TACC2: variants seen among roughly 807,000 people sequenced by gnomAD.
TACC2 encodes transforming acidic coiled-coil containing protein 2.
TACC2 carries 137 observed loss-of-function variants against 227.3 expected under a neutral mutation model. The observed-to-expected ratio is 0.60, with a 90% CI of 0.52 to 0.69. The LOEUF is 0.69. Ranked by LOEUF, TACC2 falls within the 30% of genes least tolerant of loss-of-function variation. The pLI is 0.00. For missense variants in TACC2, 3,470 were observed against 3,694.4 expected, an observed-to-expected ratio of 0.94 and a Z score of 1.57; for synonymous variants, 1,523 against 1,487.5, an observed-to-expected ratio of 1.02 and a Z score of -0.55.
At chr10:122,048,082 T>G (rs1398752108) in intron 2 of TACC2, among the ~76,000 whole-genome samples, 1 of 152,216 alleles carries the variant, frequency 6.6e-6, no homozygotes, top group Non-Finnish European at 1.5e-5. Context: ...ATCCAACAAG[T>G]CTGACGGTCT....
chr10:122,241,391 A>C (rs2095989407), intron 18 of TACC2, among the ~76,000 whole-genome samples: 2 of 152,180 alleles, frequency 1.3e-5, no homozygotes. Context: ...TCCTGGGCTC[A>C]AGTGATCCTC....
intron 3 of TACC2, among the ~76,000 whole-genome samples, chr10:122,070,578 A>G (rs2077921989): frequency 6.6e-6 from 1 of 151,932 alleles, no homozygotes; most frequent in Non-Finnish European, 1.5e-5. Context: ...ACATGGAGAA[A>G]CCCCGTTTCT....
At chr10:122,191,968 C>T (rs1293751367) in intron 7 of TACC2, among the ~76,000 whole-genome samples, 6 of 152,156 alleles carry the variant, frequency 3.9e-5, no homozygotes, top group Admixed American at 2.6e-4. Flanking sequence ...TGTACAGACT[C>T]GTTGGGGGTG....
chr10:122,168,191 C>T (rs1280811392), intron 7 of TACC2, among the ~76,000 whole-genome samples: 1 of 151,978 alleles, frequency 6.6e-6, no homozygotes, highest in Admixed American at 6.6e-5. Flanking sequence ...AGGCATGAGC[C>T]AGCGCACCCA....
chr10:122,082,370 G>C (rs1040951260), intron 3 of TACC2, among the ~76,000 whole-genome samples: 3 of 152,152 alleles, frequency 2.0e-5, no homozygotes, highest in African/African-American at 7.2e-5. Flanking sequence ...TAAATGAGTT[G>C]CCACATTTCT....
intron 2 of TACC2, among the ~76,000 whole-genome samples, chr10:122,045,025 A>T (rs2136090113): frequency 6.6e-6 from 1 of 152,300 alleles, no homozygotes; most frequent in East Asian, 1.9e-4. Flanking sequence ...AGAGCTTAAG[A>T]CTATCTCTAA....
intron 2 of TACC2, among the ~76,000 whole-genome samples, chr10:122,035,573 G>A (rs1052203505): frequency 3.3e-5 from 5 of 152,240 alleles, no homozygotes; most frequent in East Asian, 3.9e-4. Context: ...AACCATGGTC[G>A]GAGGGGCTAT....
At chr10:122,227,121 CTCTG>C (rs1230154117) in intron 13 of TACC2, among the ~76,000 whole-genome samples, 1 of 152,192 alleles carries the variant, frequency 6.6e-6, no homozygotes, top group Non-Finnish European at 1.5e-5. Flanking sequence ...GGAGAGGGCA[CTCTG>C]TCTACCAGAG....
chr10:122,060,520 A>G (rs2076675693), intron 3 of TACC2, among the ~76,000 whole-genome samples: 1 of 152,216 alleles, frequency 6.6e-6, no homozygotes, highest in Admixed American at 6.5e-5. Context: ...GCCACAGACT[A>G]TTGTACTATC....
intron 5 of TACC2, among the ~76,000 whole-genome samples, chr10:122,108,377 G>A (rs949833892): frequency 2.6e-4 from 37 of 140,956 alleles, no homozygotes; most frequent in Admixed American, 1.1e-3. Context: ...CCATGCGCGC[G>A]CGCTCTCTCT....
chr10:122,020,125 A>G (rs1362199552), intron 1 of TACC2, among the ~76,000 whole-genome samples: 1 of 152,224 alleles, frequency 6.6e-6, no homozygotes, highest in African/African-American at 2.4e-5. Flanking sequence ...ATTGTCACAA[A>G]TTAATATTAC....
intron 7 of TACC2, among the ~76,000 whole-genome samples, chr10:122,164,929 G>A (rs906138580): frequency 5.9e-5 from 9 of 152,156 alleles, no homozygotes; most frequent in African/African-American, 2.2e-4. Context: ...TCTGTGTGTT[G>A]TAGGAGGGAT....
Position 122,143,562 on chromosome 10 carries a change from G to A in TACC2, c.5700-10G>A, listed in dbSNP as rs745755077. On this transcript the variant is annotated splice_polypyrimidine_tract_variant and intron_variant, in intron 6 of 22. Coordinates refer to ENST00000369005, the MANE Select transcript of TACC2 (RefSeq NM_206862.4). ...CACCATGTGGAATAATTCCCTCATT[G>A]TGTCCCCAGCATCTCCCCAGCTGCT... is the stretch of plus-strand genomic sequence containing the variant. 6 of 1,613,374 alleles carry A rather than the reference G, an allele frequency of 3.7e-6. No individual in the cohort carries two copies. The highest frequency in any genetic ancestry group is 4.2e-6 in the Non-Finnish European group (5 of 1,179,572).
chr10:122,086,380 C>T lies in TACC2; in HGVS notation c.3880C>T (p.Leu1294=). ...GCTGTTTGCTGGCTCCCTCGCCCCC[C>T]TGTTGCAACCAGGAGCTGCAGGTGG... ...LKLFAGSLAP[L]LQPGAAGGEI... The change falls in exon 4 of 23, where the codon CTG becomes TTG. Residue 1294 remains leucine (L), a synonymous_variant. Coordinates refer to ENST00000369005, the MANE Select transcript of TACC2 (RefSeq NM_206862.4). The T allele has an allele frequency of 1.2e-6, 2 of 1,613,676 alleles. No homozygotes were observed. Among genetic ancestry groups the T allele is most frequent in the Non-Finnish European group, 1.7e-6 (2 of 1,180,012 alleles).
At chr10:122,098,617 A>T (rs2081760537) in intron 5 of TACC2, among the ~76,000 whole-genome samples, 1 of 152,216 alleles carries the variant, frequency 6.6e-6, no homozygotes, top group Non-Finnish European at 1.5e-5. Context: ...TAACGTGTGA[A>T]AAGCTTAGCA....
Position 122,227,988 on chromosome 10 carries a change from C to T in TACC2, c.7876C>T (p.Pro2626Ser), listed in dbSNP as rs753749581. 1.2e-6 allele frequency: 2 copies of T among 1,613,306 alleles called. No homozygotes were observed. Among genetic ancestry groups the T allele is most frequent in the Admixed American group, 1.7e-5 (1 of 60,002 alleles). The change falls in exon 14 of 23, where the codon CCT becomes TCT. Residue 2626 changes from proline to serine, a missense_variant. Transcript: ENST00000369005. ...KELEAMGLGT[P>S]SEAIEITAPE... is the part of the protein sequence containing the mutation. ...GCTGGAGGCCATGGGCTTGGGCACC[C>T]CTTCAGAAGCGATTGAAATTGTAAG...
intron 5 of TACC2, among the ~76,000 whole-genome samples, chr10:122,099,188 A>C (rs1012883366): frequency 1.1e-4 from 17 of 152,222 alleles, no homozygotes; most frequent in Admixed American, 9.2e-4. Flanking sequence ...GCCAGACGCC[A>C]TAACATAATA....
chr10:122,162,501 T>TA lies in TACC2; in HGVS notation c.5834+18795_5834+18796insA, dbSNP rs1377655255. Among the ~76,000 whole-genome samples the TA allele has an allele frequency of 2.0e-5, 3 of 152,190 alleles. No individual in the cohort carries two copies. The East Asian group carries it at 5.8e-4, about 29-fold the overall frequency. On this transcript the variant is annotated intron_variant, in intron 7 of 22. Transcript: ENST00000369005. ...CAGAGGTTCCATTTGAATTCAGTTG[T>TA]GAGTCTGGGCTGGGAGCGCAGGAAG...
intron 18 of TACC2, among the ~76,000 whole-genome samples, chr10:122,239,254 C>T (rs1023178674): frequency 2.0e-5 from 3 of 152,220 alleles, no homozygotes; most frequent in African/African-American, 7.2e-5. Flanking sequence ...GGTGATCTGC[C>T]TGCCTTGGCC....
Sources: gnomAD v4.1 joint callset for allele counts (sites outside exome capture counted in the v4.1 genomes callset) on GRCh38, gnomAD v4.1.1 for gene constraint, MANE v1.5 for transcripts, NCBI Gene and HGNC (gene_info 2026-07-23, HGNC 2026-07-21) for gene names.